The following RPGRIP1 variants were observed in gnomAD, a reference collection of about 807,000 sequenced individuals.
RPGRIP1 encodes X-linked retinitis pigmentosa GTPase regulator-interacting protein 1.
RPGRIP1 carries 128 observed loss-of-function variants against 157.9 expected under a neutral mutation model. The ratio of observed to expected loss-of-function variants is 0.81; its 90% CI spans 0.70 to 0.94. The LOEUF is 0.94. Among genes scored for constraint, RPGRIP1 ranks in the 40% least tolerant of loss-of-function variants. RPGRIP1 has a pLI of 0.00. For synonymous variants in RPGRIP1, 554 were observed against 571.6 expected, an observed-to-expected ratio of 0.97 and a Z score of 0.44; for missense variants, 1,486 against 1,545.8, an observed-to-expected ratio of 0.96 and a Z score of 0.65.
chr14:21,345,695 G>A (rs750975468), intron 23 of RPGRIP1, among the ~76,000 whole-genome samples: 2 of 151,762 alleles, frequency 1.3e-5, no homozygotes, highest in Admixed American at 6.6e-5. Context: ...GTGAGCCACC[G>A]TGTCCAGCCC....
chr14:21,288,069 C>T lies in RPGRIP1; in HGVS notation c.85+8C>T. 6.3e-7 allele frequency: 1 copy of T among 1,588,146 alleles called. No homozygotes were observed. The highest frequency in any genetic ancestry group is 1.1e-5 in the South Asian group (1 of 90,550). The stretch of plus-strand genomic sequence containing the variant: ...TGCTACCAGCCTCAAAAGGTAACTT[C>T]TACGCCTGAGGATGGACACCTTTTA... On this transcript the variant is annotated splice_region_variant and intron_variant, in intron 2 of 24. Transcript: ENST00000400017.
chr14:21,320,114 T>A lies in RPGRIP1; in HGVS notation c.1404T>A (p.Pro468=), dbSNP rs1438616466. 1 of 1,613,510 alleles carries A rather than the reference T, an allele frequency of 6.2e-7. No individual in the cohort carries two copies. The highest frequency in any genetic ancestry group is 8.5e-7 in the Non-Finnish European group (1 of 1,179,798). ...AAAATGCAGCCACAATTTCCCAACCTCCTGACAGGCAATCTGAACCAGCCA... is the reference window on the plus strand; with the variant it reads ...AAAATGCAGCCACAATTTCCCAACCACCTGACAGGCAATCTGAACCAGCCA... The part of the protein sequence containing the change: ...LLQNAATISQ[P]PDRQSEPATH... The change falls in exon 12 of 25, where the codon CCT becomes CCA. Residue 468 remains proline (P), a synonymous_variant. Coordinates refer to ENST00000400017, the MANE Select transcript of RPGRIP1 (RefSeq NM_020366.4).
rs765387086 is a variant in RPGRIP1, at chr14:21,343,212, C to T, written c.3516C>T (p.His1172=). The T allele has an allele frequency of 5.6e-6, 9 of 1,612,574 alleles. No individual in the cohort carries two copies. The South Asian group carries it at 9.9e-5, about 18-fold the overall frequency. ...LRKPRAGEEI[H]FHFSKVIDLD... is the part of the protein sequence containing the mutation. ...AGCCTAGGGCAGGAGAAGAAATCCA[C>T]TTTCACTTTAGCAAGGGTGAGGCAT... is the stretch of plus-strand genomic sequence containing the variant. Residue 1172 remains histidine, a synonymous_variant, in exon 22 of 25, where the codon CAC becomes CAT. Transcript: ENST00000400017.
intron 16 of RPGRIP1, 133 bp from the exon 17 acceptor site, chr14:21,325,698 A>G (rs1883004661): frequency 9.6e-6 from 7 of 727,586 alleles, no homozygotes; most frequent in South Asian, 6.0e-5. Flanking sequence ...GGTGAAGATC[A>G]TTAGGTTTCT....
intron 6 of RPGRIP1, among the ~76,000 whole-genome samples, chr14:21,305,006 G>A (rs8013525): frequency 0.24 from 36,275 of 151,918 alleles, 4,612 homozygotes; most frequent in South Asian, 0.29. Context: ...GTTTCACCAT[G>A]TTAGCCAGGA....
chr14:21,349,227 C>T (rs1213050236), intron 24 of RPGRIP1, among the ~76,000 whole-genome samples: 4 of 150,930 alleles, frequency 2.7e-5, no homozygotes, highest in African/African-American at 7.3e-5. Flanking sequence ...CCTGCCACCA[C>T]GCCAGCTAAT....
intron 20 of RPGRIP1, among the ~76,000 whole-genome samples, chr14:21,332,889 C>A (rs1160550417): frequency 1.2e-4 from 19 of 152,108 alleles, no homozygotes; most frequent in Admixed American, 1.2e-3. Flanking sequence ...GGCAGATCAC[C>A]TGTCAGGAGC....
chr14:21,347,362 C>G (rs993223259), intron 23 of RPGRIP1, among the ~76,000 whole-genome samples: 2 of 152,156 alleles, frequency 1.3e-5, no homozygotes, highest in Non-Finnish European at 2.9e-5. Flanking sequence ...CATTGTAATG[C>G]TAGTTATCAT....
intron 18 of RPGRIP1, among the ~76,000 whole-genome samples, chr14:21,328,040 C>T (rs1176900087): frequency 6.6e-6 from 1 of 152,114 alleles, no homozygotes; most frequent in Non-Finnish European, 1.5e-5. Context: ...CGTGGTGGCA[C>T]ATGCCTGTAA....
At position 21,330,351 on chromosome 14, in the gene RPGRIP1, G is replaced by T. The variant is rs1213596636; in HGVS notation, c.3202G>T (p.Ala1068Ser). The T allele has an allele frequency of 6.4e-7, 1 of 1,571,582 alleles. No individual in the cohort carries two copies. Among genetic ancestry groups the T allele is most frequent in the Non-Finnish European group, 8.6e-7 (1 of 1,163,740 alleles). ...AGAGGAAATGACATTATCCCATTCAGCACTGAAACAGAAGGAACCTCTACA... is the reference window on the plus strand; with the variant it reads ...AGAGGAAATGACATTATCCCATTCATCACTGAAACAGAAGGAACCTCTACA... The part of the protein sequence containing the change: ...EEEEMTLSHS[A>S]LKQKEPLHPV... Residue 1068 changes from alanine to serine, a missense_variant, in exon 20 of 25, where the codon GCA becomes TCA. Coordinates refer to ENST00000400017, the MANE Select transcript of RPGRIP1 (RefSeq NM_020366.4).
intron 3 of RPGRIP1, among the ~76,000 whole-genome samples, chr14:21,300,670 A>T (rs59296861): frequency 6.6e-6 from 1 of 150,926 alleles, no homozygotes; most frequent in Non-Finnish European, 1.5e-5. Context: ...TAATTTTTTT[A>T]AATGCACACA....
chr14:21,280,618 C>T (rs1880092990), intron 1 of RPGRIP1, among the ~76,000 whole-genome samples: 2 of 152,136 alleles, frequency 1.3e-5, no homozygotes, highest in African/African-American at 4.8e-5. Context: ...CATCTTTAAT[C>T]CTGTCACCCT....
chr14:21,298,864 C>T (rs553966256), intron 3 of RPGRIP1, among the ~76,000 whole-genome samples: 2 of 148,426 alleles, frequency 1.3e-5, no homozygotes, highest in Non-Finnish European at 3.0e-5. Flanking sequence ...CTCTTGAACC[C>T]GGGAGGCTGA....
chr14:21,282,641 G>C (rs1439060987), intron 1 of RPGRIP1, among the ~76,000 whole-genome samples: 6 of 112,680 alleles, frequency 5.3e-5, no homozygotes, highest in African/African-American at 7.2e-5. Context: ...ACAGAGTCTC[G>C]CTCTGTCTCC....
intron 10 of RPGRIP1, among the ~76,000 whole-genome samples, chr14:21,316,990 G>A (rs933528464): frequency 1.3e-5 from 2 of 151,800 alleles, no homozygotes; most frequent in African/African-American, 4.8e-5. Flanking sequence ...CCTGGTGGTG[G>A]GTTACTTTAA....
At position 21,301,141 on chromosome 14, in the gene RPGRIP1, G is replaced by T. The variant is rs2139156699; in HGVS notation, c.394G>T (p.Gly132Cys). 3.1e-6 allele frequency: 5 copies of T among 1,596,728 alleles called. No individual in the cohort carries two copies. Among genetic ancestry groups the T allele is most frequent in the Non-Finnish European group, 4.3e-6 (5 of 1,171,940 alleles). Reference protein sequence around the residue: ...HRLQGHFHCVGPASPRRAQPR... With the variant: ...HRLQGHFHCVCPASPRRAQPR... ...ACTGCAAGGGCATTTCCACTGCGTC[G>T]GCCCTGCCAGCCCCCGCCGCGCCCA... The change falls in exon 4 of 25, where the codon GGC becomes TGC. Residue 132 changes from glycine to cysteine, a missense_variant. Coordinates refer to ENST00000400017, the MANE Select transcript of RPGRIP1 (RefSeq NM_020366.4).
chr14:21,345,248 T>A (rs552714560), intron 23 of RPGRIP1, 51 bp downstream of exon 23: 222 of 1,405,440 alleles, frequency 1.6e-4, no homozygotes, highest in Non-Finnish European at 1.9e-4. Flanking sequence ...AGACAGAAAT[T>A]CAAAAGTTTG....
intron 10 of RPGRIP1, among the ~76,000 whole-genome samples, chr14:21,317,197 T>G (rs186430977): frequency 3.9e-5 from 6 of 152,294 alleles, no homozygotes; most frequent in Admixed American, 3.3e-4. Flanking sequence ...TCTGACAGCT[T>G]GATACAATAG....
intron 20 of RPGRIP1, among the ~76,000 whole-genome samples, chr14:21,331,883 C>T (rs1883830687): frequency 6.7e-6 from 1 of 149,946 alleles, no homozygotes; most frequent in African/African-American, 2.4e-5. Flanking sequence ...AGAGTCTTTA[C>T]TACTTAAAAA....
Sources: allele counts gnomAD v4.1 joint callset (sites outside exome capture counted in the v4.1 genomes callset), GRCh38; gene constraint gnomAD v4.1.1; transcripts MANE v1.5; gene names NCBI Gene and HGNC (gene_info 2026-07-23, HGNC 2026-07-21).